The following RESF1 variants were observed in gnomAD, a reference collection of about 807,000 sequenced individuals.
RESF1 encodes retroelement silencing factor 1, also known as gonad expressed transcript.
Under a neutral mutation model 134.7 loss-of-function variants are expected in RESF1, and 65 were observed. The ratio of observed to expected loss-of-function variants is 0.48; its 90% confidence interval spans 0.40 to 0.59. RESF1 has a LOEUF of 0.59. Among genes scored for constraint, RESF1 ranks in the 20% least tolerant of loss-of-function variants. The pLI, the probability that RESF1 is intolerant of heterozygous loss-of-function variation, is 0.00. For missense variants in RESF1, 2,274 were observed against 2,002.7 expected (o/e 1.14, Z -2.59); for synonymous variants, 762 against 702.2 (o/e 1.09, Z -1.35).
chr12:31,981,660 C>G lies in RESF1; in HGVS notation c.705C>G (p.Asn235Lys). Residue 235 changes from asparagine to lysine, a missense_variant, in exon 4 of 6, where the codon AAC (asparagine) becomes AAG (lysine). Physicochemically the swap from Asn to Lys is moderately conservative, Grantham distance 94 (BLOSUM62 0). Transcript: ENST00000312561. ...FLPDSTIQKQ[N>K]FIPHTSLQVK... ...CAGATTCTACCATTCAAAAACAAAA[C>G]TTTATACCACATACATCATTGCAAG... The G allele has an allele frequency of 6.2e-7, 1 of 1,613,852 alleles. No individual in the cohort carries two copies. The highest frequency in any genetic ancestry group is 8.5e-7 in the Non-Finnish European group (1 of 1,179,936).
Position 31,982,409 on chromosome 12 carries a change from T to G in RESF1, c.1454T>G (p.Leu485Trp), listed in dbSNP as rs1410812426. ...SAETNKTQCM[L>W]NSDIQEVNCR... Reference sequence around the variant, plus strand: ...GAAACAAATAAGACTCAATGTATGTTGAATTCTGACATTCAGGAAGTCAAT... The same window carrying G: ...GAAACAAATAAGACTCAATGTATGTGGAATTCTGACATTCAGGAAGTCAAT... Residue 485 changes from leucine to tryptophan, a missense_variant, in exon 4 of 6, where the codon TTG becomes TGG. By Grantham distance (61) the Leu-to-Trp change is moderately conservative. Coordinates refer to ENST00000312561, the MANE Select transcript of RESF1 (RefSeq NM_018169.4). 4 of 1,614,132 alleles carry G rather than the reference T, an allele frequency of 2.5e-6. No homozygotes were observed. In the South Asian group the frequency reaches 4.4e-5, roughly 18 times the overall value.
chr12:31,970,641 C>T (rs1341196057), intron 3 of RESF1, among the ~76,000 whole-genome samples: 1 of 152,150 alleles, frequency 6.6e-6, no homozygotes. Flanking sequence ...GACATCCTGT[C>T]CTTGAGTAAA....
Position 31,985,026 on chromosome 12 carries a change from A to T in RESF1, c.4071A>T (p.Leu1357Phe), listed in dbSNP as rs141432158. The T allele has an allele frequency of 6.3e-7, 1 of 1,587,668 alleles. No individual in the cohort carries two copies. Among genetic ancestry groups the T allele is most frequent in the Non-Finnish European group, 8.5e-7 (1 of 1,173,640 alleles). Residue 1357 changes from leucine (L) to phenylalanine (F), a missense_variant, in exon 4 of 6, where the codon TTA becomes TTT. Transcript: ENST00000312561. The stretch of plus-strand genomic sequence containing the variant: ...AGCATAGTTCTTTGGGACAGTCATT[A>T]TCACCAGAAAAGATAAAATTGAAAC... The part of the protein sequence containing the change: ...YKKHSSLGQS[L>F]SPEKIKLKLK...
intron 5 of RESF1, 109 bp from the exon 6 acceptor site, chr12:31,992,269 G>A: frequency 3.2e-6 from 3 of 945,878 alleles, no homozygotes; most frequent in South Asian, 1.6e-5. Context: ...TTAACTCCTT[G>A]CCTTAATTTT....
chr12:31,974,825 A>AC (rs1394782892), intron 3 of RESF1, among the ~76,000 whole-genome samples: 1 of 151,814 alleles, frequency 6.6e-6, no homozygotes, highest in Non-Finnish European at 1.5e-5. Context: ...GAACACTGTG[A>AC]CCCATTCTGC....
At chr12:31,988,355 C>G (rs996419238) in intron 5 of RESF1, among the ~76,000 whole-genome samples, 2 of 152,154 alleles carry the variant, frequency 1.3e-5, no homozygotes, top group South Asian at 2.1e-4. Context: ...TTAATACAAC[C>G]ATAAAAATAG....
At chr12:31,964,774 T>A (rs1414670705) in intron 2 of RESF1, among the ~76,000 whole-genome samples, 1 of 152,148 alleles carries the variant, frequency 6.6e-6, no homozygotes, top group Non-Finnish European at 1.5e-5. Context: ...ATTCAAAACT[T>A]TTGGCCTTAA....
intron 2 of RESF1, among the ~76,000 whole-genome samples, chr12:31,966,326 T>A (rs1939396483): frequency 6.6e-6 from 1 of 152,246 alleles, no homozygotes; most frequent in African/African-American, 2.4e-5. Context: ...GGCTCCGAAA[T>A]GAATTACTTG....
chr12:31,984,147 T>C lies in RESF1; in HGVS notation c.3192T>C (p.Tyr1064=), dbSNP rs769130753. 12 of 1,612,698 alleles carry C rather than the reference T, an allele frequency of 7.4e-6. No homozygotes were observed. The highest frequency in any genetic ancestry group is 1.0e-5 in the Non-Finnish European group (12 of 1,179,604). ...CAGAACTTCTAAAAGAGTTTCCTTA[T>C]GGCATTGAGGCTGTGAATACACGTG... ...QLSELLKEFP[Y]GIEAVNTREG... Residue 1064 remains tyrosine (Y), a synonymous_variant, in exon 4 of 6, where the codon TAT becomes TAC. Transcript: ENST00000312561.
At position 31,985,772 on chromosome 12, in the gene RESF1, A is replaced by G. The variant is rs759739067; in HGVS notation, c.4817A>G (p.Lys1606Arg). 6.4e-7 allele frequency: 1 copy of G among 1,571,158 alleles called. No homozygotes were observed. The highest frequency in any genetic ancestry group is 8.6e-7 in the Non-Finnish European group (1 of 1,165,612). ...SLTKLESSPR[K>R]LHKDKRQENK... ...ACCAAATTAGAAAGTTCACCCAGGA[A>G]GCTTCATAAAGATAAGAGACAGGAA... The change falls in exon 4 of 6, where the codon AAG (lysine) becomes AGG (arginine). Residue 1606 changes from lysine to arginine, a missense_variant. By Grantham distance (26) the Lys-to-Arg change is conservative. Coordinates refer to ENST00000312561, the MANE Select transcript of RESF1 (RefSeq NM_018169.4).
In RESF1 at chr12:31,985,209, CATT is replaced by C. The variant is rs1565487750; in HGVS notation, c.4255_4257del (p.Ile1419del). The C allele has an allele frequency of 6.3e-7, 1 of 1,583,444 alleles. No individual in the cohort carries two copies. The highest frequency in any genetic ancestry group is 2.0e-5 in the Admixed American group (1 of 50,714). ...CTTTGTCAAACCCAAACGAAAGAGC[CATT>C]GTTAAAGAAAAGATGGTATCAAATA... is the stretch of plus-strand genomic sequence containing the variant. On this transcript the variant is annotated inframe_deletion, in exon 4 of 6. Transcript: ENST00000312561.
rs1939198302 is a variant in RESF1, at chr12:31,959,434, GCC to G, written c.-397_-396del. ...GACCCCACTTGACTTAAACTCTGGG[GCC>G]CGGGAGGCCGCCGGTTTTCTCCCCG... On this transcript the variant is annotated 5_prime_UTR_variant, in exon 1 of 6. Transcript: ENST00000312561. The G allele has an allele frequency of 6.6e-6, 1 of 152,472 alleles. No individual in the cohort carries two copies. Among genetic ancestry groups the G allele is most frequent in the Non-Finnish European group, 1.5e-5 (1 of 68,258 alleles). 9.4% of individuals were successfully genotyped at this position (152,472 alleles called of 1,614,324 possible). A position where few individuals can be genotyped will look rare whatever the true frequency, so the allele number is the denominator to read the frequency against.
intron 2 of RESF1, among the ~76,000 whole-genome samples, chr12:31,962,872 C>T (rs1031561320): frequency 2.0e-4 from 29 of 147,796 alleles, no homozygotes; most frequent in Admixed American, 1.9e-3. Flanking sequence ...CCAAGGTGGG[C>T]AGATCACCTG....
At chr12:31,975,605 C>T (rs973475479) in intron 3 of RESF1, among the ~76,000 whole-genome samples, 6 of 152,084 alleles carry the variant, frequency 3.9e-5, no homozygotes, top group African/African-American at 1.5e-4. Flanking sequence ...TAAGTATCAC[C>T]CTGGTCAAAA....
chr12:31,987,783 T>G (rs950413899), intron 5 of RESF1, among the ~76,000 whole-genome samples: 2 of 152,058 alleles, frequency 1.3e-5, no homozygotes, highest in Admixed American at 6.6e-5. Context: ...TCACCCAGGC[T>G]GGAGTGCAGT....
intron 1 of RESF1, chr12:31,959,975 T>TC (rs1420965858): frequency 1.3e-5 from 2 of 152,036 alleles, no homozygotes; most frequent in African/African-American, 4.8e-5. Context: ...TTTTTTTTTT[T>TC]TGCTATTTCC....
Position 31,972,373 on chromosome 12 carries a change from G to A in RESF1, c.-79+2017G>A, listed in dbSNP as rs140598436. Among the ~76,000 whole-genome samples, 831 of 152,140 alleles carry A rather than the reference G, an allele frequency of 5.5e-3. 24 individuals are homozygous for A. Among genetic ancestry groups the A allele is most frequent in the Admixed American group, 0.047 (718 of 15,266 alleles). On this transcript the variant is annotated intron_variant, in intron 3 of 5. Coordinates refer to ENST00000312561, the MANE Select transcript of RESF1 (RefSeq NM_018169.4). ...TGTAATCCCAGCACTTTGGGAGGCC[G>A]AGGTGGGTGGATCACGAGGTCAGGA...
Position 31,985,757 on chromosome 12 carries a change from AAAGTTCACCCAG to A in RESF1, c.4803_4814del (p.Ser1602_Arg1605del). 1 of 1,579,028 alleles carries A rather than the reference AAAGTTCACCCAG, an allele frequency of 6.3e-7. No individual in the cohort carries two copies. The highest frequency in any genetic ancestry group is 2.2e-5 in the East Asian group (1 of 44,522). The stretch of plus-strand genomic sequence containing the variant: ...GAAAGCATTTCTCTCACCAAATTAG[AAAGTTCACCCAG>A]GAAGCTTCATAAAGATAAGAGACAG... On this transcript the variant is annotated inframe_deletion, in exon 4 of 6. Coordinates refer to ENST00000312561, the MANE Select transcript of RESF1 (RefSeq NM_018169.4).
chr12:31,975,368 A>G (rs1259401516), intron 3 of RESF1, among the ~76,000 whole-genome samples: 1 of 152,228 alleles, frequency 6.6e-6, no homozygotes, highest in East Asian at 1.9e-4. Flanking sequence ...CACTATTAGC[A>G]ACTTGGATTA....
Sources: allele counts gnomAD v4.1 joint callset (sites outside exome capture counted in the v4.1 genomes callset), GRCh38; gene constraint gnomAD v4.1.1; transcripts MANE v1.5; gene names NCBI Gene and HGNC (gene_info 2026-07-23, HGNC 2026-07-21).